SETD3: variants seen among roughly 807,000 people sequenced by gnomAD.
SETD3 encodes actin-histidine N-methyltransferase.
Under a neutral mutation model 63.0 loss-of-function variants are expected in SETD3, and 19 were observed. That is an observed-to-expected ratio of 0.30 (90% confidence interval 0.21 to 0.44). The LOEUF is 0.44. SETD3 is among the 20% of genes least tolerant of loss of function. The probability of loss-of-function intolerance (pLI) is 1.00; values close to 1 mark genes in which losing one functional copy is unlikely to be tolerated. For synonymous variants in SETD3, 286 were observed against 264.1 expected, an observed-to-expected ratio of 1.08 and a Z score of -0.80; for missense variants, 587 against 728.5, an observed-to-expected ratio of 0.81 and a Z score of 2.24.
intron 6 of SETD3, among the ~76,000 whole-genome samples, chr14:99,446,387 T>G (rs1894131104): frequency 1.3e-5 from 2 of 152,212 alleles, no homozygotes; most frequent in African/African-American, 4.8e-5. Context: ...CAGATTATTC[T>G]AGGAAGGTAT....
At chr14:99,442,571 G>C (rs1893886073) in intron 6 of SETD3, among the ~76,000 whole-genome samples, 1 of 152,168 alleles carries the variant, frequency 6.6e-6, no homozygotes, top group Non-Finnish European at 1.5e-5. Flanking sequence ...CAATGACGAA[G>C]ATGAAGACCC....
chr14:99,478,147 A>G (rs1386749115), intron 1 of SETD3, among the ~76,000 whole-genome samples: 2 of 152,254 alleles, frequency 1.3e-5, no homozygotes, highest in Non-Finnish European at 2.9e-5. Flanking sequence ...AAATAAGGGT[A>G]GGTAATTGAG....
At chr14:99,426,700 T>C (rs1892901287) in intron 6 of SETD3, among the ~76,000 whole-genome samples, 3 of 152,190 alleles carry the variant, frequency 2.0e-5, no homozygotes, top group Admixed American at 6.5e-5. Context: ...TAGTGATCAC[T>C]GACCAACGTG....
chr14:99,406,105 A>C, intron 9 of SETD3, among the ~76,000 whole-genome samples: 1 of 152,248 alleles, frequency 6.6e-6, no homozygotes. Flanking sequence ...AGTATAAGAC[A>C]ACAGATTCCC....
intron 2 of SETD3, among the ~76,000 whole-genome samples, chr14:99,464,437 AAGCACTCACTGAGGCCTGGAAC>A (rs1895253540): frequency 6.6e-6 from 1 of 152,186 alleles, no homozygotes; most frequent in South Asian, 2.1e-4. Flanking sequence ...CTCCAACAAT[AAGCACTCACTGAGGCCTGGAAC>A]AGGCCTCAAA....
chr14:99,442,591 C>A (rs1383254777), intron 6 of SETD3, among the ~76,000 whole-genome samples: 2 of 152,176 alleles, frequency 1.3e-5, no homozygotes, highest in African/African-American at 2.4e-5. Flanking sequence ...CTGATGATAA[C>A]CCACTCCCAC....
In SETD3 at chr14:99,399,128, G is replaced by A; in HGVS notation, c.1339-3C>T. The A allele has an allele frequency of 6.2e-7, 1 of 1,611,328 alleles. No homozygotes were observed. Among genetic ancestry groups the A allele is most frequent in the Non-Finnish European group, 8.5e-7 (1 of 1,178,208 alleles). On this transcript the variant is annotated splice_region_variant and splice_polypyrimidine_tract_variant and intron_variant, in intron 12 of 12. Transcript: ENST00000331768. ...TTTTTCAAGACGGATTTATCTTCCTGGAAAACAAGAGCAAAATTAATTACA... is the reference window on the plus strand; with the variant it reads ...TTTTTCAAGACGGATTTATCTTCCTAGAAAACAAGAGCAAAATTAATTACA...
In SETD3 at chr14:99,466,961, G is replaced by GT. The variant is rs547074412; in HGVS notation, c.-8-1149dup. Among the ~76,000 whole-genome samples, 45 of 152,282 alleles carry GT rather than the reference G, an allele frequency of 3.0e-4. 1 individual carries two copies. The East Asian group carries it at 8.3e-3, about 28-fold the overall frequency. ...TCAAAAAGCAGACTTTGGTCCATTTGTTTTTTACAAAAAGTGGTAACTATC... is the reference window on the plus strand; with the variant it reads ...TCAAAAAGCAGACTTTGGTCCATTTGTTTTTTTACAAAAAGTGGTAACTATC... On this transcript the variant is annotated intron_variant, in intron 1 of 12. Transcript: ENST00000331768.
intron 8 of SETD3, chr14:99,411,935 T>A (rs1892015397): frequency 1.3e-5 from 2 of 152,236 alleles, no homozygotes; most frequent in Admixed American, 6.5e-5. Flanking sequence ...CTTCCCAAAT[T>A]AGCACTAGGA....
chr14:99,406,978 A>C lies in SETD3; in HGVS notation c.850-388T>G, dbSNP rs1891717249. ...TTTCTGTTCACTGACGATCTGCACT[A>C]TTCTCATTCATTTGCAAGTATTATC... On this transcript the variant is annotated intron_variant, in intron 8 of 12. Transcript: ENST00000331768. Among the ~76,000 whole-genome samples the C allele has an allele frequency of 2.6e-5, 4 of 152,326 alleles. No individual in the cohort carries two copies. The South Asian group carries it at 8.3e-4, about 32-fold the overall frequency.
In SETD3 at chr14:99,412,960, G is replaced by A. The variant is rs767086863; in HGVS notation, c.840C>T (p.Thr280=). 6 of 1,608,358 alleles carry A rather than the reference G, an allele frequency of 3.7e-6. No homozygotes were observed. In the Admixed American group the frequency reaches 1.0e-4, roughly 27 times the overall value. Residue 280 remains threonine, a synonymous_variant, in exon 8 of 13, where the codon ACC becomes ACT. Transcript: ENST00000331768. The part of the protein sequence containing the change: ...LIPLWDMCNH[T]NGLITTGYNL... ...GGGAAGAGGTCGTTACCAGGCCGTT[G>A]GTGTGGTTACACATATCCCATAAAG...
Position 99,465,790 on chromosome 14 carries a change from G to A in SETD3, c.16C>T (p.Arg6Ter), listed in dbSNP as rs1445087637. 3 of 1,613,548 alleles carry A rather than the reference G, an allele frequency of 1.9e-6. No individual in the cohort carries two copies. The part of the protein sequence containing the change: MGKKS[R>*]VKTQKSGTGA... ...GTGCCAGATTTCTGAGTTTTTACTC[G>A]ACTCTTCTTACCCATTTTTCTGACT... The change falls in exon 2 of 13, where the codon CGA (arginine) becomes TGA (stop). Residue 6 changes from arginine to a stop codon, truncating the protein, a stop_gained. Coordinates refer to ENST00000331768, the MANE Select transcript of SETD3 (RefSeq NM_032233.3). LOFTEE classifies it high-confidence loss of function.
Position 99,400,213 on chromosome 14 carries a change from G to A in SETD3, c.1224C>T (p.Ile408=). ...HLLGDSAIDR[I]FTLGNSEFPV... ...GAAATTCCGAGTTCCCCAAGGTGAA[G>A]ATTCTATCAATAGCGCTGTCTCCCA... Residue 408 remains isoleucine, a synonymous_variant, in exon 12 of 13, where the codon ATC becomes ATT. Coordinates refer to ENST00000331768, the MANE Select transcript of SETD3 (RefSeq NM_032233.3). 6.2e-7 allele frequency: 1 copy of A among 1,614,148 alleles called. No homozygotes were observed. Among genetic ancestry groups the A allele is most frequent in the East Asian group, 2.2e-5 (1 of 44,886 alleles).
chr14:99,440,862 G>T (rs1340695662), intron 6 of SETD3, among the ~76,000 whole-genome samples: 1 of 151,180 alleles, frequency 6.6e-6, no homozygotes, highest in East Asian at 1.9e-4. Context: ...TAGCCCAAGA[G>T]AACACAAGCC....
chr14:99,465,561 T>C (rs1895323106), intron 2 of SETD3, 142 bp downstream of exon 2: 4 of 616,652 alleles, frequency 6.5e-6, no homozygotes, highest in Non-Finnish European at 8.6e-6. Context: ...CCTGGGAACC[T>C]CTGTGACTCG....
At chr14:99,473,741 G>A (rs1252228177) in intron 1 of SETD3, among the ~76,000 whole-genome samples, 1 of 152,082 alleles carries the variant, frequency 6.6e-6, no homozygotes, top group African/African-American at 2.4e-5. Flanking sequence ...ATACTTTGCC[G>A]GCCATCAGGA....
At chr14:99,433,920 G>A (rs754232536) in intron 6 of SETD3, among the ~76,000 whole-genome samples, 54 of 152,208 alleles carry the variant, frequency 3.5e-4, no homozygotes, top group Non-Finnish European at 7.5e-4. Context: ...GCTAATGAGG[G>A]AGTAGAGCAA....
At chr14:99,444,230 T>A (rs1044002845) in intron 6 of SETD3, 1 of 152,188 alleles carries the variant, frequency 6.6e-6, no homozygotes, top group African/African-American at 2.4e-5. Context: ...CAAGGCTATT[T>A]CAGAACTATT....
upstream of SETD3, among the ~76,000 whole-genome samples, chr14:99,485,255 C>T (rs994222536): frequency 6.6e-6 from 1 of 152,148 alleles, no homozygotes; most frequent in African/African-American, 2.4e-5. Context: ...ACGATTTATC[C>T]GCTTGTGGAC....
Sources: allele counts gnomAD v4.1 joint callset (sites outside exome capture counted in the v4.1 genomes callset), GRCh38; gene constraint gnomAD v4.1.1; transcripts MANE v1.5; gene names NCBI Gene and HGNC (gene_info 2026-07-23, HGNC 2026-07-21).